The following MGME1 variants were observed in gnomAD, a reference collection of about 807,000 sequenced individuals.
The protein encoded by MGME1 is mitochondrial genome maintenance exonuclease 1, also known as chromosome 20 open reading frame 72.
Under a neutral mutation model 33.0 loss-of-function variants are expected in MGME1, and 22 were observed. The observed-to-expected ratio is 0.67, with a 90% CI of 0.48 to 0.95. The LOEUF (loss-of-function observed/expected upper bound fraction) is 0.95. MGME1 is among the 40% of genes least tolerant of loss of function. The probability of loss-of-function intolerance (pLI) is 0.00; values close to 1 mark genes in which losing one functional copy is unlikely to be tolerated. For synonymous variants in MGME1, 133 were observed against 144.0 expected (o/e 0.92, Z 0.55); for missense variants, 383 against 397.8 (o/e 0.96, Z 0.32).
chr20:17,977,868 G>A (rs1031031512), intron 3 of MGME1, among the ~76,000 whole-genome samples: 2 of 152,090 alleles, frequency 1.3e-5, no homozygotes, highest in African/African-American at 2.4e-5. Context: ...GCTCTCGTTC[G>A]AACGCCTCTG....
chr20:17,975,865 AAACT>A lies in MGME1; in HGVS notation c.695_698del (p.Asn232IlefsTer2). ...AAAGTGCTGTTCAACATGAAACCTT[AAACT>A]ATATAGGTCTGCTGGACTGTGTGGC... On this transcript the variant is annotated frameshift_variant, in exon 3 of 5. Transcript: ENST00000377710. LOFTEE classifies it high-confidence loss of function. The A allele has an allele frequency of 6.2e-7, 1 of 1,614,140 alleles. No individual in the cohort carries two copies. Among genetic ancestry groups the A allele is most frequent in the Non-Finnish European group, 8.5e-7 (1 of 1,179,992 alleles).
At chr20:17,968,709 G>T (rs899596805), upstream of MGME1, 7 of 450,954 alleles carry the variant, frequency 1.6e-5, no homozygotes, top group Non-Finnish European at 2.4e-5. Flanking sequence ...CCCTTGCTCC[G>T]CTCCACGAGG....
chr20:17,975,704 C>T lies in MGME1; in HGVS notation c.532C>T (p.Arg178Trp), dbSNP rs143417446. 5.6e-3 allele frequency: 9,005 copies of T among 1,613,270 alleles called. 41 individuals are homozygous for T. Among genetic ancestry groups the T allele is most frequent in the Non-Finnish European group, 6.3e-3 (7,421 of 1,179,494 alleles). Residue 178 changes from arginine (R) to tryptophan (W), a missense_variant, in exon 3 of 5, where the codon CGG (arginine) becomes TGG (tryptophan). Coordinates refer to ENST00000377710, the MANE Select transcript of MGME1 (RefSeq NM_052865.4). ...YTSNVFLQGKRFHEALESILS... is the reference protein window; with the variant it reads ...YTSNVFLQGKWFHEALESILS... The stretch of plus-strand genomic sequence containing the variant: ...TTCAGACGTCTTTTTACAAGGGAAA[C>T]GGTTCCACGAAGCCTTGGAAAGCAT...
intron 3 of MGME1, among the ~76,000 whole-genome samples, chr20:17,985,501 T>G (rs910901044): frequency 6.6e-6 from 1 of 152,132 alleles, no homozygotes; most frequent in Non-Finnish European, 1.5e-5. Flanking sequence ...AAGAAAAACG[T>G]TTTTTATAAA....
rs1184187180 is a variant in MGME1, at chr20:17,985,443, ATACAGTAAAAAAGT to A, written c.732-2714_732-2701del. ...CATCTCAAAATAATTAAAGAAGTTT[ATACAGTAAAAAAGT>A]TACAGTAAGCTAAAGTTAATGTATT... On this transcript the variant is annotated intron_variant, in intron 3 of 4. Transcript: ENST00000377710. Among the ~76,000 whole-genome samples, 28 of 152,340 alleles carry A rather than the reference ATACAGTAAAAAAGT, an allele frequency of 1.8e-4. No homozygotes were observed. In the East Asian group the frequency reaches 2.5e-3, roughly 14 times the overall value.
chr20:17,971,385 C>G (rs761358965), intron 2 of MGME1, among the ~76,000 whole-genome samples: 11 of 152,170 alleles, frequency 7.2e-5, no homozygotes, highest in Non-Finnish European at 1.2e-4. Flanking sequence ...TAATTAGTAG[C>G]AACCACCAAA....
rs536457611 is a variant in MGME1, at chr20:17,970,024, A to G, written c.165A>G (p.Leu55=). The part of the protein sequence containing the change: ...EEVDQEKYSN[L]VQSVLSSRGV... The stretch of plus-strand genomic sequence containing the variant: ...TGGACCAAGAAAAATACTCTAATTT[A>G]GTTCAGTCTGTCTTGTCATCCAGAG... Residue 55 remains leucine, a synonymous_variant, in exon 2 of 5, where the codon TTA becomes TTG. Transcript: ENST00000377710. The G allele has an allele frequency of 1.2e-6, 2 of 1,614,186 alleles. No homozygotes were observed. Among genetic ancestry groups the G allele is most frequent in the East Asian group, 4.5e-5 (2 of 44,890 alleles).
chr20:17,972,578 C>G, intron 2 of MGME1: 1 of 802,184 alleles, frequency 1.2e-6, no homozygotes, highest in Non-Finnish European at 1.5e-6. Flanking sequence ...ATTTCACTTT[C>G]ATTACTTTGA....
chr20:17,975,010 A>T (rs2035823250), intron 2 of MGME1, among the ~76,000 whole-genome samples: 1 of 152,146 alleles, frequency 6.6e-6, no homozygotes, highest in Non-Finnish European at 1.5e-5. Flanking sequence ...CTAGATTTCT[A>T]ATTTTTTTTT....
At chr20:17,972,131 G>A (rs1040704496) in intron 2 of MGME1, among the ~76,000 whole-genome samples, 1 of 152,108 alleles carries the variant, frequency 6.6e-6, no homozygotes, top group Non-Finnish European at 1.5e-5. Context: ...AAGAAAAAGG[G>A]CTCACTAAAT....
At chr20:17,974,023 G>A (rs2035793811) in intron 2 of MGME1, among the ~76,000 whole-genome samples, 1 of 148,410 alleles carries the variant, frequency 6.7e-6, no homozygotes, top group Non-Finnish European at 1.5e-5. Context: ...TAAGAAACAA[G>A]TGAATATATT....
chr20:17,975,921 G>A lies in MGME1; in HGVS notation c.731+18G>A, dbSNP rs754099396. 2.5e-6 allele frequency: 4 copies of A among 1,583,720 alleles called. No individual in the cohort carries two copies. The highest frequency in any genetic ancestry group is 2.2e-5 in the East Asian group (1 of 44,740). ...GAGTATCAGTAAGTATGAGATTGGA[G>A]GTGAATTAATACAGCGTAGGACAGA... On this transcript the variant is annotated intron_variant, in intron 3 of 4. Transcript: ENST00000377710.
At chr20:17,975,008 C>A (rs1036354281) in intron 2 of MGME1, among the ~76,000 whole-genome samples, 1 of 152,112 alleles carries the variant, frequency 6.6e-6, no homozygotes, top group Non-Finnish European at 1.5e-5. Flanking sequence ...CCCTAGATTT[C>A]TAATTTTTTT....
At chr20:17,971,181 T>C (rs1447663864) in intron 2 of MGME1, among the ~76,000 whole-genome samples, 1 of 152,248 alleles carries the variant, frequency 6.6e-6, no homozygotes, top group Non-Finnish European at 1.5e-5. Context: ...AAGTCGTCTT[T>C]TCCCTAATCC....
In MGME1 at chr20:17,985,764, A is replaced by T. The variant is rs1257600608; in HGVS notation, c.732-2402A>T. The stretch of plus-strand genomic sequence containing the variant: ...TGTGTTATAGTTGCCAGCAGTATTC[A>T]GTACAGTAACATGCTGTACAGGTTT... On this transcript the variant is annotated intron_variant, in intron 3 of 4. Transcript: ENST00000377710. Among the ~76,000 whole-genome samples, 3 of 152,360 alleles carry T rather than the reference A, an allele frequency of 2.0e-5. No individual in the cohort carries two copies. The East Asian group carries it at 5.8e-4, about 29-fold the overall frequency.
intron 3 of MGME1, among the ~76,000 whole-genome samples, chr20:17,980,075 G>A (rs2035969927): frequency 6.6e-6 from 1 of 152,094 alleles, no homozygotes; most frequent in South Asian, 2.1e-4. Flanking sequence ...GCCCAGGCTG[G>A]AGTACAATGG....
chr20:17,971,131 AAT>A (rs2035717558), intron 2 of MGME1, among the ~76,000 whole-genome samples: 1 of 152,228 alleles, frequency 6.6e-6, no homozygotes, highest in Non-Finnish European at 1.5e-5. Context: ...TTGTTTTAAG[AAT>A]AGTGTACTGA....
chr20:17,989,781 T>C (rs529503004), intron 4 of MGME1, among the ~76,000 whole-genome samples, 158 bp from the exon 5 acceptor site: 75 of 152,140 alleles, frequency 4.9e-4, no homozygotes, highest in African/African-American at 1.6e-3. Context: ...TGTGTTCTTG[T>C]GTCCTGGTGC....
At chr20:17,974,479 C>G (rs76124342) in intron 2 of MGME1, among the ~76,000 whole-genome samples, 5 of 152,044 alleles carry the variant, frequency 3.3e-5, no homozygotes, top group Non-Finnish European at 7.4e-5. Flanking sequence ...TCCTGGGATA[C>G]GCCAACAAAT....
Sources: allele counts gnomAD v4.1 joint callset (sites outside exome capture counted in the v4.1 genomes callset), GRCh38; gene constraint gnomAD v4.1.1; transcripts MANE v1.5; gene names NCBI Gene and HGNC (gene_info 2026-07-23, HGNC 2026-07-21).